FDFT1: variants seen among roughly 807,000 people sequenced by gnomAD.
FDFT1 encodes the protein squalene synthase.
In FDFT1, 68 loss-of-function variants were observed where a neutral mutation model predicts 46.8. That is an observed-to-expected ratio of 1.45 (90% CI 1.19 to 1.78). The LOEUF is 1.78. FDFT1 is among the 40% of genes most tolerant of loss of function. FDFT1 has a pLI of 0.00. For missense variants in FDFT1, 928 were observed against 524.4 expected, an observed-to-expected ratio of 1.77 and a Z score of -7.52; for synonymous variants, 351 against 185.1, an observed-to-expected ratio of 1.90 and a Z score of -7.28.
At chr8:11,805,408 G>A (rs554231906) in intron 1 of FDFT1, among the ~76,000 whole-genome samples, 25 of 152,316 alleles carry the variant, frequency 1.6e-4, no homozygotes, top group African/African-American at 5.5e-4. Context: ...CCCAAAAGCC[G>A]AGAGTAATGG....
At chr8:11,819,412 A>C (rs1392309411) in intron 3 of FDFT1, among the ~76,000 whole-genome samples, 2 of 152,118 alleles carry the variant, frequency 1.3e-5, no homozygotes, top group Non-Finnish European at 2.9e-5. Flanking sequence ...TAGGTTGGGG[A>C]AGTTCTCCTG....
At chr8:11,801,669 T>G (rs1376197328), upstream of FDFT1, 3 of 303,282 alleles carry the variant, frequency 9.9e-6, no homozygotes, top group Non-Finnish European at 1.9e-5. Flanking sequence ...TAAAACAGAC[T>G]GCAGGATGGC....
At chr8:11,817,739 T>C (rs7002768) in intron 3 of FDFT1, among the ~76,000 whole-genome samples, 1 of 151,744 alleles carries the variant, frequency 6.6e-6, no homozygotes, top group African/African-American at 2.4e-5. Context: ...TATTACGTCT[T>C]TTTGATTCTT....
intron 4 of FDFT1, among the ~76,000 whole-genome samples, chr8:11,823,397 T>C (rs1809527225): frequency 6.6e-6 from 1 of 152,230 alleles, no homozygotes; most frequent in African/African-American, 2.4e-5. Flanking sequence ...TTTAAATTTC[T>C]AGTAATTCTT....
chr8:11,836,026 G>T (rs1006610232), intron 7 of FDFT1, among the ~76,000 whole-genome samples: 3 of 147,756 alleles, frequency 2.0e-5, no homozygotes, highest in South Asian at 4.3e-4. Context: ...GGTGGCAGGT[G>T]CCTGTAATCC....
In FDFT1 at chr8:11,831,578, G is replaced by T. The variant is rs1440783366; in HGVS notation, c.940G>T (p.Val314Leu). The T allele has an allele frequency of 1.9e-6, 3 of 1,614,084 alleles. No individual in the cohort carries two copies. Among genetic ancestry groups the T allele is most frequent in the Non-Finnish European group, 2.5e-6 (3 of 1,179,904 alleles). Residue 314 changes from valine to leucine, a missense_variant, in exon 7 of 8, where the codon GTG becomes TTG. Physicochemically the swap from Val to Leu is conservative, Grantham distance 32. Coordinates refer to ENST00000220584, the MANE Select transcript of FDFT1 (RefSeq NM_004462.5). ...TAACCAGCAGGTGTTCAAAGGGGCA[G>T]TGAAGATTCGGAAAGGGCAAGCAGT... Reference protein sequence around the residue: ...YNNQQVFKGAVKIRKGQAVTL... With the variant: ...YNNQQVFKGALKIRKGQAVTL...
chr8:11,805,107 A>G (rs570032067), intron 1 of FDFT1, among the ~76,000 whole-genome samples: 6 of 151,476 alleles, frequency 4.0e-5, no homozygotes, highest in Admixed American at 6.6e-5. Flanking sequence ...TGTAGACACA[A>G]TGTCTCGCTG....
intron 3 of FDFT1, among the ~76,000 whole-genome samples, chr8:11,811,584 C>T (rs1048551406): frequency 6.6e-6 from 1 of 152,204 alleles, no homozygotes; most frequent in African/African-American, 2.4e-5. Flanking sequence ...CAGTGTCTTC[C>T]TGTGTTCATA....
chr8:11,834,242 A>C (rs1379454718), intron 7 of FDFT1, among the ~76,000 whole-genome samples: 1 of 152,210 alleles, frequency 6.6e-6, no homozygotes, highest in East Asian at 1.9e-4. Context: ...CCAGGTCTTC[A>C]CGAGCAGTTG....
Position 11,830,278 on chromosome 8 carries a change from T to C in FDFT1, c.737T>C (p.Phe246Ser), listed in dbSNP as rs766310256. Residue 246 changes from phenylalanine (F) to serine (S), a missense_variant, in exon 6 of 8, where the codon TTT (phenylalanine) becomes TCT (serine). Phe to Ser is a radical substitution (Grantham distance 155, BLOSUM62 -2). Transcript: ENST00000220584. ...WSRYVKKLGD[F>S]AKPENIDLAV... is the part of the protein sequence containing the mutation. The stretch of plus-strand genomic sequence containing the variant: ...AGGTATGTTAAGAAGTTAGGGGATT[T>C]TGCTAAGCCGGAGAATATTGACTTG... 12 of 1,613,978 alleles carry C rather than the reference T, an allele frequency of 7.4e-6. No individual in the cohort carries two copies. Among genetic ancestry groups the C allele is most frequent in the African/African-American group, 1.3e-5 (1 of 74,912 alleles).
At chr8:11,808,559 C>G (rs1279049046) in intron 1 of FDFT1, 5 of 1,367,458 alleles carry the variant, frequency 3.7e-6, no homozygotes, top group Non-Finnish European at 4.7e-6. Context: ...TGGCCCTCTT[C>G]AAGCGCACCT....
At chr8:11,810,151 T>C (rs986149259) in intron 3 of FDFT1, among the ~76,000 whole-genome samples, 31 of 152,232 alleles carry the variant, frequency 2.0e-4, no homozygotes, top group African/African-American at 7.2e-4. Context: ...ATTCAAAGAA[T>C]TAACGTAGGT....
At chr8:11,799,785 A>C (rs575767784), upstream of FDFT1, among the ~76,000 whole-genome samples, 3 of 152,172 alleles carry the variant, frequency 2.0e-5, no homozygotes, top group South Asian at 6.2e-4. Context: ...GTCTCAACTA[A>C]AAATAAAAAA....
chr8:11,834,484 T>C (rs1422480146), intron 7 of FDFT1, among the ~76,000 whole-genome samples: 4 of 152,184 alleles, frequency 2.6e-5, no homozygotes, highest in Admixed American at 1.3e-4. Context: ...AGTCAGAGAA[T>C]CATCCGGCTC....
At chr8:11,809,951 A>T (rs1807472525) in intron 3 of FDFT1, 101 bp downstream of exon 3, 7 of 873,172 alleles carry the variant, frequency 8.0e-6, no homozygotes, top group Admixed American at 3.0e-5. Flanking sequence ...TTAAATAAGC[A>T]TTCTGAGGGC....
intron 1 of FDFT1, among the ~76,000 whole-genome samples, chr8:11,806,392 T>A (rs557365101): frequency 1.3e-5 from 2 of 152,166 alleles, no homozygotes; most frequent in African/African-American, 2.4e-5. Flanking sequence ...TCTTCCTGTT[T>A]TGTTCTTGGT....
chr8:11,807,015 GAAATATATAC>G (rs1371480902), intron 1 of FDFT1, among the ~76,000 whole-genome samples: 2 of 108,802 alleles, frequency 1.8e-5, no homozygotes, highest in Admixed American at 2.0e-4. Flanking sequence ...TTCATGATAG[GAAATATATAC>G]AAATAAAAAC....
Position 11,821,856 on chromosome 8 carries a change from C to T in FDFT1, c.488C>T (p.Thr163Ile), listed in dbSNP as rs200916527. The T allele has an allele frequency of 2.5e-6, 4 of 1,613,236 alleles. No homozygotes were observed. Among genetic ancestry groups the T allele is most frequent in the Admixed American group, 1.7e-5 (1 of 59,968 alleles). The change falls in exon 4 of 8, where the codon ACC becomes ATC. Residue 163 changes from threonine (T) to isoleucine (I), a missense_variant. By Grantham distance (89) the Thr-to-Ile change is moderately conservative (BLOSUM62 -1). Coordinates refer to ENST00000220584, the MANE Select transcript of FDFT1 (RefSeq NM_004462.5). ...GMAEFLDKHV[T>I]SEQEWDKYCH... ...GCAGAGTTTTTGGATAAGCATGTGA[C>T]CTCTGAACAGGAGTGGGACAAGGTT...
Position 11,809,763 on chromosome 8 carries a change from C to G in FDFT1, c.294C>G (p.His98Gln), listed in dbSNP as rs1288314937. ...ISVEKKVPLLHNFHSFLYQPD... is the reference protein window; with the variant it reads ...ISVEKKVPLLQNFHSFLYQPD... ...TGGAAAAGAAGGTCCCGCTGTTACA[C>G]AACTTTCACTCTTTCCTTTACCAAC... is the stretch of plus-strand genomic sequence containing the variant. The change falls in exon 3 of 8, where the codon CAC (histidine) becomes CAG (glutamine). Residue 98 changes from histidine to glutamine, a missense_variant. His to Gln is a conservative substitution (Grantham distance 24). Transcript: ENST00000220584. The G allele has an allele frequency of 1.9e-6, 3 of 1,614,030 alleles. No individual in the cohort carries two copies. The highest frequency in any genetic ancestry group is 1.3e-5 in the African/African-American group (1 of 74,922).
Sources: gnomAD v4.1 joint callset for allele counts (sites outside exome capture counted in the v4.1 genomes callset) on GRCh38, gnomAD v4.1.1 for gene constraint, MANE v1.5 for transcripts, NCBI Gene and HGNC (gene_info 2026-07-23, HGNC 2026-07-21) for gene names.